Variants in LUZP2 observed in about 807,000 individuals in gnomAD.
LUZP2 encodes leucine zipper protein 2.
In LUZP2, 52 loss-of-function variants were observed where a neutral mutation model predicts 51.6. That is an observed-to-expected ratio of 1.01 (90% confidence interval 0.81 to 1.27). The LOEUF is 1.27. Ranked by LOEUF, LUZP2 falls within the 50% of genes most tolerant of loss-of-function variation. The probability of loss-of-function intolerance (pLI) is 0.00; values close to 1 mark genes in which losing one functional copy is unlikely to be tolerated. For missense variants in LUZP2, 436 were observed against 395.4 expected (o/e 1.10, Z -0.87); for synonymous variants, 154 against 137.3 (o/e 1.12, Z -0.85).
chr11:24,761,805 T>G (rs1332859475), intron 4 of LUZP2, among the ~76,000 whole-genome samples: 1 of 152,146 alleles, frequency 6.6e-6, no homozygotes, highest in African/African-American at 2.4e-5. Flanking sequence ...CTCATAAAGT[T>G]GATTTTCTCA....
intron 1 of LUZP2, among the ~76,000 whole-genome samples, chr11:24,725,682 A>G (rs1319051130): frequency 2.0e-5 from 3 of 152,186 alleles, no homozygotes; most frequent in Non-Finnish European, 2.9e-5. Flanking sequence ...GTGGACAAGA[A>G]TCTTCCAAAT....
At chr11:24,699,262 T>G (rs1051849129) in intron 1 of LUZP2, among the ~76,000 whole-genome samples, 10 of 152,146 alleles carry the variant, frequency 6.6e-5, no homozygotes. Flanking sequence ...ATGTTTGTTC[T>G]TGCTTCAATT....
chr11:24,815,146 A>G (rs1353001036), intron 5 of LUZP2, among the ~76,000 whole-genome samples: 1 of 152,190 alleles, frequency 6.6e-6, no homozygotes, highest in Non-Finnish European at 1.5e-5. Context: ...TGAAGTAGAA[A>G]GGTGTTCAAT....
chr11:24,608,513 T>C (rs893123209), intron 1 of LUZP2, among the ~76,000 whole-genome samples: 3 of 152,190 alleles, frequency 2.0e-5, no homozygotes, highest in Non-Finnish European at 4.4e-5. Context: ...TCTTTAAATG[T>C]AGACAATCCT....
intron 9 of LUZP2, among the ~76,000 whole-genome samples, chr11:25,015,941 G>A (rs1014170371): frequency 9.6e-5 from 13 of 135,616 alleles, no homozygotes; most frequent in African/African-American, 1.6e-4. Context: ...TTTTTTTTGA[G>A]ATGGAGTCTC....
intron 1 of LUZP2, among the ~76,000 whole-genome samples, chr11:24,660,711 T>G (rs760235696): frequency 3.3e-5 from 5 of 152,152 alleles, no homozygotes; most frequent in Non-Finnish European, 5.9e-5. Flanking sequence ...CCCAAAACAT[T>G]CGATTAAGCA....
At chr11:24,676,274 T>C (rs772353282) in intron 1 of LUZP2, among the ~76,000 whole-genome samples, 49 of 152,318 alleles carry the variant, frequency 3.2e-4, no homozygotes, top group Middle Eastern at 6.8e-3. Context: ...TTTTATAGGC[T>C]GAAATTCTTT....
At chr11:25,037,805 T>A (rs1590863524) in intron 9 of LUZP2, among the ~76,000 whole-genome samples, 1 of 152,194 alleles carries the variant, frequency 6.6e-6, no homozygotes, top group East Asian at 1.9e-4. Flanking sequence ...TTCTGGCTTG[T>A]GAAGTTTCTG....
At chr11:24,717,435 G>T (rs1858093367) in intron 1 of LUZP2, among the ~76,000 whole-genome samples, 1 of 147,408 alleles carries the variant, frequency 6.8e-6, no homozygotes. Flanking sequence ...TTGAGACGGA[G>T]TATTGCCTTG....
chr11:24,688,175 A>G (rs181219205), intron 1 of LUZP2, among the ~76,000 whole-genome samples: 51 of 152,362 alleles, frequency 3.3e-4, no homozygotes, highest in African/African-American at 1.2e-3. Context: ...ACAAGCATTC[A>G]GTGATGTTTA....
At chr11:24,583,950 G>A (rs1400762819) in intron 1 of LUZP2, among the ~76,000 whole-genome samples, 1 of 151,606 alleles carries the variant, frequency 6.6e-6, no homozygotes, top group Non-Finnish European at 1.5e-5. Context: ...CTGACCTTGT[G>A]ATCCGCCGGT....
chr11:24,785,074 C>T (rs111456892), intron 5 of LUZP2, among the ~76,000 whole-genome samples: 339 of 152,040 alleles, frequency 2.2e-3, no homozygotes, highest in African/African-American at 7.8e-3. Flanking sequence ...TACCTTCTTC[C>T]CTGTAGTTAC....
In LUZP2 at chr11:24,517,460, T is replaced by C. The variant is rs1226073845; in HGVS notation, c.62+20155T>C. On this transcript the variant is annotated intron_variant, in intron 1 of 11. Coordinates refer to ENST00000336930, the MANE Select transcript of LUZP2 (RefSeq NM_001009909.4). ...AAGATCCCGCCACTGCACTCCAGCC[T>C]GGGTGACAGAGCCAGACGCCGTCAA... Among the ~76,000 whole-genome samples the C allele has an allele frequency of 9.3e-5, 10 of 107,526 alleles. No individual in the cohort carries two copies. In the East Asian group the frequency reaches 2.8e-3, roughly 30 times the overall value. The allele number at this position is 107,526 out of a possible 152,430, so 70.5% of individuals were successfully genotyped here.
chr11:24,844,360 A>T (rs1851131990), intron 5 of LUZP2, among the ~76,000 whole-genome samples: 1 of 152,184 alleles, frequency 6.6e-6, no homozygotes, highest in Non-Finnish European at 1.5e-5. Flanking sequence ...GAGATGATTT[A>T]GGGTATCTGG....
chr11:24,635,339 A>C (rs1399977640), intron 1 of LUZP2, among the ~76,000 whole-genome samples: 1 of 152,164 alleles, frequency 6.6e-6, no homozygotes, highest in Non-Finnish European at 1.5e-5. Flanking sequence ...TAAAATGATA[A>C]AAATAATTGG....
intron 1 of LUZP2, among the ~76,000 whole-genome samples, chr11:24,680,961 ATTTC>A (rs199865989): frequency 1.4e-4 from 18 of 127,810 alleles, no homozygotes; most frequent in African/African-American, 4.7e-4. Flanking sequence ...TGAGTCTTTA[ATTTC>A]TTTCTTTATT....
intron 1 of LUZP2, among the ~76,000 whole-genome samples, chr11:24,601,933 T>C (rs1371700468): frequency 7.3e-6 from 1 of 136,272 alleles, no homozygotes; most frequent in Admixed American, 7.5e-5. Flanking sequence ...TATATATGTA[T>C]ATATGTATAT....
intron 5 of LUZP2, among the ~76,000 whole-genome samples, chr11:24,780,510 C>T (rs970220930): frequency 2.0e-5 from 3 of 152,074 alleles, no homozygotes; most frequent in Non-Finnish European, 2.9e-5. Flanking sequence ...TCATTTACTT[C>T]ACACAAAAAC....
chr11:24,856,158 A>G (rs1851557849), intron 5 of LUZP2, among the ~76,000 whole-genome samples: 1 of 152,060 alleles, frequency 6.6e-6, no homozygotes, highest in African/African-American at 2.4e-5. Flanking sequence ...ATAAACAGTG[A>G]CACACACCTG....
Sources: allele counts gnomAD v4.1 joint callset (sites outside exome capture counted in the v4.1 genomes callset), GRCh38; gene constraint gnomAD v4.1.1; transcripts MANE v1.5; gene names NCBI Gene and HGNC (gene_info 2026-07-23, HGNC 2026-07-21).